Variants in DCTN1 observed in about 807,000 individuals in gnomAD.
The protein encoded by DCTN1 is 150 kDa dynein-associated polypeptide.
DCTN1 carries 61 observed loss-of-function variants against 161.2 expected under a neutral mutation model. The ratio of observed to expected loss-of-function variants is 0.38; its 90% CI spans 0.31 to 0.47. The LOEUF (loss-of-function observed/expected upper bound fraction) is 0.47, where lower values mean the gene tolerates loss of function less well. Among genes scored for constraint, DCTN1 ranks in the 20% least tolerant of loss-of-function variants. The pLI, the probability that DCTN1 is intolerant of heterozygous loss-of-function variation, is 0.99. For synonymous variants in DCTN1, 653 were observed against 632.4 expected (o/e 1.03, Z -0.49); for missense variants, 1,404 against 1,623.7 (o/e 0.86, Z 2.33).
chr2:74,368,683 C>A (rs376726488), intron 16 of DCTN1, 45 bp downstream of exon 16: 2 of 1,613,918 alleles, frequency 1.2e-6, no homozygotes, highest in African/African-American at 1.3e-5. Flanking sequence ...TGGTTCATGG[C>A]AAGTTCACTA....
rs762136929 is a variant in DCTN1 at position 74,363,285 on chromosome 2, C to T, written c.3345+9G>A. On this transcript the variant is annotated intron_variant, in intron 28 of 31. Coordinates refer to ENST00000628224, the MANE Select transcript of DCTN1 (RefSeq NM_004082.5). ...TCTCCCATCCCAGTCCTCCCCGTGG[C>T]TCCCTCACCTTGAGGATGCTGTTCT... 6.2e-7 allele frequency: 1 copy of T among 1,614,112 alleles called. No homozygotes were observed. Among genetic ancestry groups the T allele is most frequent in the Non-Finnish European group, 8.5e-7 (1 of 1,179,998 alleles).
Position 74,361,173 on chromosome 2 carries a change from T to TTTAATCAAGGGGTGAAGTCC in DCTN1, c.*306_*325dup, listed in dbSNP as rs1352485442. On this transcript the variant is annotated 3_prime_UTR_variant, in exon 32 of 32. Transcript: ENST00000628224. ...CAGGAAGCACTGAAGCAGAAGTTGC[T>TTTAATCAAGGGGTGAAGTCC]TTAATCAAGGGGTGAAGTCCTCAAT... The TTTAATCAAGGGGTGAAGTCC allele has an allele frequency of 9.4e-5, 42 of 448,682 alleles. No homozygotes were observed. Among genetic ancestry groups the TTTAATCAAGGGGTGAAGTCC allele is most frequent in the Non-Finnish European group, 1.7e-4 (40 of 230,474 alleles). 27.8% of individuals were successfully genotyped at this position (448,682 alleles called of 1,614,324 possible). A position where few individuals can be genotyped will look rare whatever the true frequency, so the allele number is the denominator to read the frequency against.
At chr2:74,362,551 T>C in intron 30 of DCTN1, 99 bp downstream of exon 30, 1 of 1,275,500 alleles carries the variant, frequency 7.8e-7, no homozygotes, top group Non-Finnish European at 1.1e-6. Context: ...CCTCCCCAAT[T>C]GCTGTCTAGC....
At chr2:74,375,315 T>A (rs1359852356) in intron 5 of DCTN1, among the ~76,000 whole-genome samples, 1 of 152,228 alleles carries the variant, frequency 6.6e-6, no homozygotes, top group Non-Finnish European at 1.5e-5. Context: ...TGCCTTCCCC[T>A]TCAAAGCATA....
At chr2:74,380,557 T>G, upstream of DCTN1, 1 of 471,962 alleles carries the variant, frequency 2.1e-6, no homozygotes, top group South Asian at 1.5e-5. Flanking sequence ...AAGCATCAAG[T>G]GACACTTCAA....
At chr2:74,374,376 G>A (rs1675090600) in intron 5 of DCTN1, 36 bp from the exon 6 acceptor site, 1 of 1,613,092 alleles carries the variant, frequency 6.2e-7, no homozygotes, top group African/African-American at 1.3e-5. Flanking sequence ...AGAAAGCAAG[G>A]AGAGGAAAGA....
In DCTN1 at chr2:74,370,108, G is replaced by A; in HGVS notation, c.1288-39C>T. 1.2e-6 allele frequency: 2 copies of A among 1,614,142 alleles called. No individual in the cohort carries two copies. The highest frequency in any genetic ancestry group is 1.7e-6 in the Non-Finnish European group (2 of 1,180,006). The stretch of plus-strand genomic sequence containing the variant: ...AGGATAGGGAGAAGGGCTGCTGGAA[G>A]GTACCTAGAAAGAGGAGGCATCAAC... On this transcript the variant is annotated intron_variant, in intron 12 of 31. Transcript: ENST00000628224. The surrounding 1 kb of genome is among the most constrained non-coding windows in gnomAD (Gnocchi z 4.4).
intron 7 of DCTN1, among the ~76,000 whole-genome samples, chr2:74,372,639 T>G (rs1345576009): frequency 1.3e-5 from 2 of 152,230 alleles, no homozygotes; most frequent in Non-Finnish European, 2.9e-5. Flanking sequence ...CCATCAAAAC[T>G]GGTCAAAATT....
At chr2:74,364,713 G>T in intron 26 of DCTN1, 1 of 363,578 alleles carries the variant, frequency 2.8e-6, no homozygotes, top group South Asian at 2.4e-5. Flanking sequence ...TATCGGGCAG[G>T]GCTGGATGCC....
chr2:74,381,038 G>A (rs538218177), upstream of DCTN1, among the ~76,000 whole-genome samples: 2 of 152,160 alleles, frequency 1.3e-5, no homozygotes, highest in Admixed American at 1.3e-4. Flanking sequence ...CAGACCCAAT[G>A]AAATGGTTTA....
At chr2:74,382,998 C>G (rs1311146352), upstream of DCTN1, among the ~76,000 whole-genome samples, 1 of 151,560 alleles carries the variant, frequency 6.6e-6, no homozygotes, top group African/African-American at 2.4e-5. Flanking sequence ...TGGCGTGAAC[C>G]CGGGAAGCGG....
Position 74,369,586 on chromosome 2 carries a change from G to C in DCTN1, c.1393-95C>G. Reference sequence around the variant, plus strand: ...AATCCCAGCACTTTGGGAGGTCAAAGCAGGCGGATCATGAGGTCGAGATCG... The same window carrying C: ...AATCCCAGCACTTTGGGAGGTCAAACCAGGCGGATCATGAGGTCGAGATCG... On this transcript the variant is annotated intron_variant, in intron 13 of 31. Coordinates refer to ENST00000628224, the MANE Select transcript of DCTN1 (RefSeq NM_004082.5). The surrounding 1 kb of genome is among the most constrained non-coding windows in gnomAD (Gnocchi z 4.9). The C allele has an allele frequency of 7.9e-7, 1 of 1,265,176 alleles. No individual in the cohort carries two copies. Among genetic ancestry groups the C allele is most frequent in the East Asian group, 2.3e-5 (1 of 43,352 alleles). The allele number at this position is 1,265,176 out of a possible 1,614,324, so 78.4% of individuals were successfully genotyped here.
At chr2:74,363,224 C>T in intron 28 of DCTN1, 47 bp from the exon 29 acceptor site, 1 of 1,614,046 alleles carries the variant, frequency 6.2e-7, no homozygotes, top group Non-Finnish European at 8.5e-7. Context: ...CTAGGAGGCC[C>T]CTGTCATCTA....
intron 7 of DCTN1, chr2:74,372,125 CT>C: frequency 3.8e-6 from 1 of 264,924 alleles, no homozygotes; most frequent in Non-Finnish European, 7.4e-6. Context: ...CTCCATTATA[CT>C]CTCAGTCCCA....
Position 74,370,034 on chromosome 2 carries a change from C to T in DCTN1, c.1323G>A (p.Glu441=). 1 of 1,614,230 alleles carries T rather than the reference C, an allele frequency of 6.2e-7. No homozygotes were observed. The highest frequency in any genetic ancestry group is 8.5e-7 in the Non-Finnish European group (1 of 1,180,044). The change falls in exon 13 of 32, where the codon GAG becomes GAA. Residue 441 remains glutamate, a synonymous_variant. Coordinates refer to ENST00000628224, the MANE Select transcript of DCTN1 (RefSeq NM_004082.5). This position sits in a 1 kb window ranked among gnomAD's most constrained non-coding sequence, Gnocchi z 4.4. ...DAALGAEEMV[E]MLTDRNLNLE... ...GATTCAGGTTCCGATCTGTCAGCAT[C>T]TCCACCATCTCCTCAGCACCCAGAG...
intron 5 of DCTN1, among the ~76,000 whole-genome samples, chr2:74,375,454 A>G (rs1270387156): frequency 6.6e-6 from 1 of 152,122 alleles, no homozygotes; most frequent in Admixed American, 6.5e-5. Context: ...TCTGATTGAC[A>G]CTTTCCAACG....
In DCTN1 at chr2:74,371,748, G is replaced by A; in HGVS notation, c.454-20C>T. 1 of 1,600,792 alleles carries A rather than the reference G, an allele frequency of 6.2e-7. No individual in the cohort carries two copies. The highest frequency in any genetic ancestry group is 8.5e-7 in the Non-Finnish European group (1 of 1,174,544). On this transcript the variant is annotated intron_variant, in intron 7 of 31. Coordinates refer to ENST00000628224, the MANE Select transcript of DCTN1 (RefSeq NM_004082.5). ...CGTGGGCTATTCAGAAAGGGTAGAG[G>A]CAGACCAGAAAGAAAGCAGAGGATA...
intron 7 of DCTN1, 31 bp from the exon 8 acceptor site, chr2:74,371,759 A>G: frequency 6.3e-7 from 1 of 1,574,892 alleles, no homozygotes; most frequent in Non-Finnish European, 8.7e-7. Context: ...CAGACCAGAA[A>G]GAAAGCAGAG....
upstream of DCTN1, among the ~76,000 whole-genome samples, chr2:74,382,506 C>CAT (rs1367770284): frequency 6.7e-6 from 1 of 149,136 alleles, no homozygotes; most frequent in Non-Finnish European, 1.5e-5. Flanking sequence ...AGACTATAGG[C>CAT]ATGAGAATCG....
Sources: gnomAD v4.1 joint callset for allele counts (sites outside exome capture counted in the v4.1 genomes callset) on GRCh38, gnomAD v4.1.1 for gene constraint, Gnocchi (gnomAD v3.1) non-coding constraint, MANE v1.5 for transcripts, NCBI Gene and HGNC (gene_info 2026-07-23, HGNC 2026-07-21) for gene names.